DEPTOR: variants seen among roughly 807,000 people sequenced by gnomAD.
DEPTOR encodes the protein DEP domain-containing mTOR-interacting protein.
DEPTOR carries 41 observed loss-of-function variants against 41.6 expected under a neutral mutation model. The observed-to-expected ratio is 0.98, with a 90% CI of 0.77 to 1.28. DEPTOR has a LOEUF of 1.28. DEPTOR is among the 50% of genes most tolerant of loss of function. The pLI is 0.00. For missense variants in DEPTOR, 514 were observed against 527.9 expected, an observed-to-expected ratio of 0.97 and a Z score of 0.26; for synonymous variants, 195 against 192.3, an observed-to-expected ratio of 1.01 and a Z score of -0.12.
intron 4 of DEPTOR, among the ~76,000 whole-genome samples, chr8:119,979,512 C>A (rs1372723558): frequency 6.6e-6 from 1 of 152,128 alleles, no homozygotes; most frequent in African/African-American, 2.4e-5. Flanking sequence ...ATGCACCCGC[C>A]TTGGCCTCCT....
At chr8:119,994,310 G>A (rs1812222743) in intron 4 of DEPTOR, among the ~76,000 whole-genome samples, 1 of 152,050 alleles carries the variant, frequency 6.6e-6, no homozygotes, top group Admixed American at 6.6e-5. Flanking sequence ...TCCCAAAAAG[G>A]TGTACAAAAA....
At chr8:119,921,723 G>A (rs9987332) in intron 1 of DEPTOR, among the ~76,000 whole-genome samples, 73,560 of 149,840 alleles carry the variant, frequency 0.49, 19,830 homozygotes, top group African/African-American at 0.69. Flanking sequence ...ATAGAAGGAT[G>A]GTAACTGAAA....
chr8:120,001,288 A>T (rs1416355585), intron 4 of DEPTOR, among the ~76,000 whole-genome samples: 1 of 152,180 alleles, frequency 6.6e-6, no homozygotes, highest in African/African-American at 2.4e-5. Flanking sequence ...TAGAACTCAG[A>T]TTGAAAGCAA....
intron 1 of DEPTOR, among the ~76,000 whole-genome samples, chr8:119,877,088 T>A (rs1001109785): frequency 1.3e-5 from 2 of 152,198 alleles, no homozygotes; most frequent in Admixed American, 6.5e-5. Flanking sequence ...TTTAGGACAA[T>A]ATGTTTAGCC....
intron 4 of DEPTOR, among the ~76,000 whole-genome samples, chr8:119,971,648 C>T (rs1048874643): frequency 6.6e-6 from 1 of 152,094 alleles, no homozygotes; most frequent in Non-Finnish European, 1.5e-5. Flanking sequence ...CTTCAGAGAC[C>T]TTTATCCAGT....
Position 119,965,401 on chromosome 8 carries a change from A to G in DEPTOR, c.595A>G (p.Ile199Val), listed in dbSNP as rs768838042. The G allele has an allele frequency of 2.0e-5, 32 of 1,613,620 alleles. No individual in the cohort carries two copies. In the Admixed American group the frequency reaches 5.2e-4, roughly 26 times the overall value. Residue 199 changes from isoleucine to valine, a missense_variant, in exon 4 of 9, where the codon ATC (isoleucine) becomes GTC (valine). Ile to Val is a conservative substitution (Grantham distance 29). Transcript: ENST00000286234. ...LCHRLMEHGI[I>V]QHVSNKHPFV... The stretch of plus-strand genomic sequence containing the variant: ...CCACCGGCTTATGGAGCATGGCATC[A>G]TCCAGCATGGTGAGCGTATTGGGCA...
chr8:119,913,246 T>C (rs1827767418), intron 1 of DEPTOR, among the ~76,000 whole-genome samples: 1 of 152,194 alleles, frequency 6.6e-6, no homozygotes, highest in Admixed American at 6.5e-5. Context: ...AGAGTGTTTA[T>C]TCAAGCTCAA....
At chr8:119,896,900 C>T (rs1053967866) in intron 1 of DEPTOR, among the ~76,000 whole-genome samples, 4 of 134,866 alleles carry the variant, frequency 3.0e-5, no homozygotes, top group African/African-American at 1.0e-4. Flanking sequence ...TTAATAACAA[C>T]ATTAATACAT....
Position 120,009,058 on chromosome 8 carries a change from T to C in DEPTOR, c.1026T>C (p.Phe342=). Residue 342 remains phenylalanine (F), a synonymous_variant, in exon 8 of 9, where the codon TTT becomes TTC. Transcript: ENST00000286234. ...TTGGTGACGCGGTTGGCTGGGGTTT[T>C]GTGGTGCGAGGAAGTAAGCCATGCC... The part of the protein sequence containing the change: ...TIVGDAVGWG[F]VVRGSKPCHI... 1 of 1,614,112 alleles carries C rather than the reference T, an allele frequency of 6.2e-7. No individual in the cohort carries two copies. Among genetic ancestry groups the C allele is most frequent in the African/African-American group, 1.3e-5 (1 of 75,034 alleles).
At chr8:119,967,431 C>A (rs143738697) in intron 4 of DEPTOR, among the ~76,000 whole-genome samples, 204 of 151,720 alleles carry the variant, frequency 1.3e-3, no homozygotes, top group African/African-American at 4.0e-3. Flanking sequence ...CAGATAATTT[C>A]TTTATGGCCT....
At chr8:119,981,100 C>T (rs993524365) in intron 4 of DEPTOR, among the ~76,000 whole-genome samples, 8 of 152,298 alleles carry the variant, frequency 5.3e-5, no homozygotes, top group African/African-American at 1.9e-4. Context: ...TAGTGTCTGA[C>T]TCCAGAATCC....
chr8:120,039,256 C>T (rs1311070104), intron 8 of DEPTOR, among the ~76,000 whole-genome samples: 3 of 152,134 alleles, frequency 2.0e-5, no homozygotes, highest in Non-Finnish European at 4.4e-5. Context: ...CAGACACCTG[C>T]CAGCACCTTG....
chr8:120,018,910 C>T (rs1009267568), intron 8 of DEPTOR, among the ~76,000 whole-genome samples: 14 of 152,164 alleles, frequency 9.2e-5, no homozygotes, highest in Admixed American at 2.0e-4. Context: ...GTGCACAGTT[C>T]CTTGTTCACT....
chr8:120,022,706 A>T (rs115527161), intron 8 of DEPTOR, among the ~76,000 whole-genome samples: 5 of 150,850 alleles, frequency 3.3e-5, no homozygotes, highest in Admixed American at 2.6e-4. Flanking sequence ...ATCTATTTTA[A>T]TTTTTTTTTC....
At chr8:119,930,930 G>A (rs1343625467) in intron 3 of DEPTOR, among the ~76,000 whole-genome samples, 4 of 151,960 alleles carry the variant, frequency 2.6e-5, no homozygotes, top group Non-Finnish European at 2.9e-5. Flanking sequence ...CGTATTTATC[G>A]GCCAGGCACG....
intron 8 of DEPTOR, among the ~76,000 whole-genome samples, chr8:120,019,824 C>G (rs1426183542): frequency 1.3e-5 from 2 of 152,126 alleles, no homozygotes; most frequent in African/African-American, 4.8e-5. Context: ...TCAGCTTTCC[C>G]AGATCGAGTT....
At chr8:119,930,382 A>G (rs756576930) in intron 3 of DEPTOR, among the ~76,000 whole-genome samples, 9 of 152,092 alleles carry the variant, frequency 5.9e-5, no homozygotes, top group Admixed American at 5.9e-4. Context: ...GACTACAGGC[A>G]TGAGCCACCA....
At chr8:120,013,511 T>C (rs1230806679) in intron 8 of DEPTOR, among the ~76,000 whole-genome samples, 4 of 152,174 alleles carry the variant, frequency 2.6e-5, no homozygotes, top group Admixed American at 1.3e-4. Flanking sequence ...CTCAGAAAAC[T>C]GCAGAGTTTG....
At chr8:119,989,094 C>T (rs1216398169) in intron 4 of DEPTOR, among the ~76,000 whole-genome samples, 3 of 151,308 alleles carry the variant, frequency 2.0e-5, no homozygotes, top group Non-Finnish European at 2.9e-5. Context: ...AGCCATCGTG[C>T]CTGGCTGCCA....
Sources: gnomAD v4.1 joint callset for allele counts (sites outside exome capture counted in the v4.1 genomes callset) on GRCh38, gnomAD v4.1.1 for gene constraint, MANE v1.5 for transcripts, NCBI Gene and HGNC (gene_info 2026-07-23, HGNC 2026-07-21) for gene names.